The following PPP2R3A variants were observed in gnomAD, a reference collection of about 807,000 sequenced individuals.
PPP2R3A encodes the protein serine/threonine-protein phosphatase 2A regulatory subunit B'' subunit alpha.
In PPP2R3A, 80 loss-of-function variants were observed where a neutral mutation model predicts 106.9. That is an observed-to-expected ratio of 0.75 (90% confidence interval 0.62 to 0.90). PPP2R3A has a LOEUF of 0.90. PPP2R3A is among the 40% of genes least tolerant of loss of function. The pLI is 0.00. For synonymous variants in PPP2R3A, 483 were observed against 468.3 expected (o/e 1.03, Z -0.41); for missense variants, 1,386 against 1,350.4 (o/e 1.03, Z -0.41).
At chr3:136,032,096 T>C (rs908231811) in intron 3 of PPP2R3A, among the ~76,000 whole-genome samples, 1 of 152,230 alleles carries the variant, frequency 6.6e-6, no homozygotes, top group African/African-American at 2.4e-5. Flanking sequence ...AGTCTGTAGA[T>C]TGCTTTTGGC....
chr3:136,003,249 A>T lies in PPP2R3A; in HGVS notation c.1751A>T (p.Glu584Val). ...ATTGAAACCAATGGACACAAAATAG[A>T]GGAAGAGGATCGAGCCCTCTTACTG... ...RIIETNGHKI[E>V]EEDRALLLRI... The change falls in exon 2 of 14, where the codon GAG becomes GTG. Residue 584 changes from glutamate to valine, a missense_variant. Transcript: ENST00000264977. 4 of 1,613,962 alleles carry T rather than the reference A, an allele frequency of 2.5e-6. No individual in the cohort carries two copies. The highest frequency in any genetic ancestry group is 2.5e-6 in the Non-Finnish European group (3 of 1,179,904).
chr3:135,966,997 T>C (rs1643995303), intron 1 of PPP2R3A, among the ~76,000 whole-genome samples: 1 of 152,160 alleles, frequency 6.6e-6, no homozygotes, highest in Non-Finnish European at 1.5e-5. Flanking sequence ...AGTAAAACTG[T>C]TGTTTTTTTT....
intron 5 of PPP2R3A, among the ~76,000 whole-genome samples, chr3:136,068,596 C>T (rs1396569335): frequency 3.3e-5 from 5 of 152,058 alleles, no homozygotes; most frequent in Non-Finnish European, 7.4e-5. Flanking sequence ...GAAATGTAGA[C>T]AGAATAGAAA....
At chr3:136,136,638 T>G (rs1415724440) in intron 13 of PPP2R3A, among the ~76,000 whole-genome samples, 1 of 152,168 alleles carries the variant, frequency 6.6e-6, no homozygotes, top group Non-Finnish European at 1.5e-5. Flanking sequence ...CCTGGCAAAC[T>G]GTTACGTAGG....
At chr3:136,036,160 C>T (rs188395324) in intron 3 of PPP2R3A, among the ~76,000 whole-genome samples, 216 of 152,172 alleles carry the variant, frequency 1.4e-3, no homozygotes, top group African/African-American at 4.8e-3. Flanking sequence ...TGGGCTTTGC[C>T]TTTCTCTGGT....
intron 6 of PPP2R3A, among the ~76,000 whole-genome samples, chr3:136,074,318 AAGAC>A (rs1208190728): frequency 3.9e-5 from 6 of 152,238 alleles, no homozygotes; most frequent in African/African-American, 1.4e-4. Context: ...TTAGACTGGA[AAGAC>A]AGACCATCAG....
chr3:136,033,887 C>T (rs1455332593), intron 3 of PPP2R3A, among the ~76,000 whole-genome samples: 2 of 150,264 alleles, frequency 1.3e-5, no homozygotes, highest in Non-Finnish European at 3.0e-5. Flanking sequence ...TTATTTTTTT[C>T]AATTTCATTT....
intron 2 of PPP2R3A, among the ~76,000 whole-genome samples, chr3:136,015,516 T>C (rs1183253888): frequency 6.6e-6 from 1 of 152,022 alleles, no homozygotes. Flanking sequence ...TCTGTTGAGC[T>C]TCTGTTTCTT....
intron 10 of PPP2R3A, among the ~76,000 whole-genome samples, chr3:136,092,385 G>A (rs1937114453): frequency 6.6e-6 from 1 of 152,140 alleles, no homozygotes; most frequent in South Asian, 2.1e-4. Flanking sequence ...CCATGTTCAT[G>A]GATCATTGTT....
intron 10 of PPP2R3A, among the ~76,000 whole-genome samples, chr3:136,098,930 T>C (rs997203000): frequency 6.6e-6 from 1 of 152,186 alleles, no homozygotes; most frequent in Admixed American, 6.5e-5. Context: ...TGGTGCTTTA[T>C]TCCCTGGAGA....
chr3:136,009,251 G>A (rs553645371), intron 2 of PPP2R3A, among the ~76,000 whole-genome samples: 101 of 152,150 alleles, frequency 6.6e-4, no homozygotes, highest in Admixed American at 1.1e-3. Context: ...GGGGCAGTAA[G>A]GGTTCTTGCA....
intron 10 of PPP2R3A, among the ~76,000 whole-genome samples, chr3:136,094,335 G>C (rs983037228): frequency 6.6e-6 from 1 of 152,004 alleles, no homozygotes; most frequent in African/African-American, 2.4e-5. Context: ...AAAAACCCTT[G>C]AATTGTACAT....
intron 1 of PPP2R3A, among the ~76,000 whole-genome samples, chr3:135,982,619 A>G (rs555549940): frequency 1.3e-5 from 2 of 152,026 alleles, no homozygotes; most frequent in South Asian, 4.2e-4. Flanking sequence ...TTTATTCTCA[A>G]CCCTCCCACT....
At chr3:136,069,357 A>G (rs907198572) in intron 5 of PPP2R3A, among the ~76,000 whole-genome samples, 1 of 152,180 alleles carries the variant, frequency 6.6e-6, no homozygotes, top group Non-Finnish European at 1.5e-5. Flanking sequence ...GGAGTGGATC[A>G]CTTGACACCA....
intron 2 of PPP2R3A, among the ~76,000 whole-genome samples, chr3:136,010,687 G>A (rs548490363): frequency 7.0e-4 from 107 of 151,998 alleles, no homozygotes; most frequent in African/African-American, 2.5e-3. Context: ...CGGCCTCCCA[G>A]AGTGCTGGGA....
intron 1 of PPP2R3A, among the ~76,000 whole-genome samples, chr3:135,967,102 A>T (rs537138668): frequency 2.0e-5 from 3 of 152,128 alleles, no homozygotes; most frequent in Middle Eastern, 3.4e-3. Context: ...TACACACACA[A>T]TTTATTTACA....
intron 13 of PPP2R3A, among the ~76,000 whole-genome samples, chr3:136,124,244 C>T (rs963269412): frequency 1.3e-5 from 2 of 152,120 alleles, no homozygotes; most frequent in African/African-American, 4.8e-5. Flanking sequence ...AATCTGAGCA[C>T]TCTGGGAGGA....
intron 4 of PPP2R3A, among the ~76,000 whole-genome samples, chr3:136,045,223 A>G (rs1477972460): frequency 4.6e-5 from 7 of 152,190 alleles, no homozygotes; most frequent in Non-Finnish European, 1.5e-5. Flanking sequence ...CGCTTTTGCC[A>G]GTGGCCCCCA....
At chr3:136,041,828 G>A (rs1317400560) in intron 4 of PPP2R3A, among the ~76,000 whole-genome samples, 1 of 152,122 alleles carries the variant, frequency 6.6e-6, no homozygotes, top group African/African-American at 2.4e-5. Context: ...AAATTTTCTT[G>A]AATTCAAACC....
Sources: allele counts gnomAD v4.1 joint callset (sites outside exome capture counted in the v4.1 genomes callset), GRCh38; gene constraint gnomAD v4.1.1; transcripts MANE v1.5; gene names NCBI Gene and HGNC (gene_info 2026-07-23, HGNC 2026-07-21).